XG: variants seen among roughly 807,000 people sequenced by gnomAD.
XG encodes the protein Xg glycoprotein (Xg blood group).
In XG, 24 loss-of-function variants were observed where a neutral mutation model predicts 25.7. The ratio of observed to expected loss-of-function variants is 0.93; its 90% CI spans 0.68 to 1.31. The LOEUF (loss-of-function observed/expected upper bound fraction) is 1.31, where lower values mean the gene tolerates loss of function less well. Among genes scored for constraint, XG ranks in the 40% most tolerant of loss-of-function variants. The probability of loss-of-function intolerance (pLI) is 0.00; values close to 1 mark genes in which losing one functional copy is unlikely to be tolerated. For missense variants in XG, 181 were observed against 187.6 expected, an observed-to-expected ratio of 0.96 and a Z score of 0.21; for synonymous variants, 77 against 69.2, an observed-to-expected ratio of 1.11 and a Z score of -0.56.
At chrX:2,798,888 C>CTTTTT (rs1254883670) in intron 7 of XG, among the ~76,000 whole-genome samples, 2 of 100,971 alleles carry the variant, frequency 2.0e-5, no homozygotes, top group Non-Finnish European at 2.0e-5. Context: ...CTTTTTCTTT[C>CTTTTT]TTTTTTTTTT....
At chrX:2,770,695 T>C (rs2050798914) in intron 2 of XG, 104 bp downstream of exon 2, 2 of 1,418,676 alleles carry the variant, frequency 1.4e-6, no homozygotes, top group East Asian at 4.6e-5. Flanking sequence ...GTTGGGAATT[T>C]CTTGGTCTTG....
At chrX:2,779,579 C>A (rs2051075159) in intron 3 of XG, among the ~76,000 whole-genome samples, 1 of 152,122 alleles carries the variant, frequency 6.6e-6, no homozygotes, top group African/African-American at 2.4e-5. Flanking sequence ...CCAAAATCCA[C>A]AGCTGCTGAA....
At chrX:2,752,905 G>T (rs2050364950) in intron 1 of XG, 1 of 985,154 alleles carries the variant, frequency 1.0e-6, no homozygotes, top group Admixed American at 6.2e-5. Flanking sequence ...CAGGCTGGCT[G>T]TCCCAGATCC....
At chrX:2,791,486 C>T (rs937454112) in intron 5 of XG, among the ~76,000 whole-genome samples, 4 of 110,031 alleles carry the variant, frequency 3.6e-5, no homozygotes, top group Admixed American at 9.9e-5. Flanking sequence ...CCTAGAAAAA[C>T]GAACACACTT....
intron 1 of XG, among the ~76,000 whole-genome samples, chrX:2,766,722 A>ATG (rs1569459949): frequency 4.7e-5 from 7 of 149,134 alleles, no homozygotes; most frequent in African/African-American, 9.9e-5. Context: ...CCGCCACCAC[A>ATG]CCCGGCTAAT....
chrX:2,782,272 G>A (rs771638511), intron 4 of XG, 144 bp downstream of exon 4: 6 of 674,861 alleles, frequency 8.9e-6, no homozygotes, highest in East Asian at 3.5e-5. Flanking sequence ...TTCCTCACTG[G>A]GGGGAGCAAG....
intron 2 of XG, among the ~76,000 whole-genome samples, chrX:2,773,539 G>A (rs1194549472): frequency 7.9e-6 from 1 of 127,346 alleles, no homozygotes; most frequent in Non-Finnish European, 1.7e-5. Flanking sequence ...AGGAGAGAAG[G>A]AAGGAAGGAG....
chrX:2,771,990 G>A (rs2050828676), intron 2 of XG, among the ~76,000 whole-genome samples: 1 of 152,158 alleles, frequency 6.6e-6, no homozygotes, highest in African/African-American at 2.4e-5. Flanking sequence ...GGGGTTAGAG[G>A]CAGGTGTGTG....
intron 1 of XG, among the ~76,000 whole-genome samples, chrX:2,758,272 G>A (rs1400886161): frequency 6.6e-6 from 1 of 152,082 alleles, no homozygotes; most frequent in Non-Finnish European, 1.5e-5. Context: ...TTGATGTGCA[G>A]GTCATCACCT....
rs1387834431 is a variant in XG, at chrX:2,816,439, A to G, written c.*2059A>G. ...AACCCTCCATCTACTCAATGGGAAG[A>G]TGATAAGGATGAAGACCTTTATGGT... is the stretch of plus-strand genomic sequence containing the variant. On this transcript the variant is annotated 3_prime_UTR_variant, in exon 11 of 11. Coordinates refer to ENST00000644266, the MANE Select transcript of XG (RefSeq NM_001141919.2). 8.9e-6 allele frequency: 1 copy of G among 112,065 alleles called. No homozygotes were observed. The highest frequency in any genetic ancestry group is 1.9e-5 in the Non-Finnish European group (1 of 53,236). The allele number at this position is 112,065 out of a possible 1,213,427, so 9.2% of individuals were successfully genotyped here. A position where few individuals can be genotyped will look rare whatever the true frequency, so the allele number is the denominator to read the frequency against.
At position 2,774,759 on chromosome X, in the gene XG, G is replaced by C. The variant is rs1234757290; in HGVS notation, c.127+20G>C. On this transcript the variant is annotated intron_variant, in intron 3 of 10. Coordinates refer to ENST00000644266, the MANE Select transcript of XG (RefSeq NM_001141919.2). ...ACTCAGGTGAGTGTCTCTTCAGCTGGGAAAAACTGAGGCAACGTCCTTGAA... is the reference window on the plus strand; with the variant it reads ...ACTCAGGTGAGTGTCTCTTCAGCTGCGAAAAACTGAGGCAACGTCCTTGAA... The C allele has an allele frequency of 6.2e-7, 1 of 1,613,724 alleles. No individual in the cohort carries two copies. The highest frequency in any genetic ancestry group is 1.3e-5 in the African/African-American group (1 of 74,950).
rs1201452154 is a variant in XG at position 2,770,016 on chromosome X, T to TGGGGGGGGG, written c.62-532_62-531insGGGGGGGGG. The stretch of plus-strand genomic sequence containing the variant: ...TCTCAACCTAGACTCTGTGCGTGTG[T>TGGGGGGGGG]GGAGGGGTGGGGGGGGCGTTGGGGG... On this transcript the variant is annotated intron_variant, in intron 1 of 10. Transcript: ENST00000644266. 3.3e-4 allele frequency among the ~76,000 whole-genome samples: 15 copies of TGGGGGGGGG among 45,506 alleles called. 1 individual carries two copies. Among genetic ancestry groups the TGGGGGGGGG allele is most frequent in the East Asian group, 6.6e-4 (1 of 1,516 alleles). 29.9% of individuals were successfully genotyped at this position (45,506 alleles called of 152,430 possible).
At chrX:2,797,065 G>A (rs2086892455) in intron 6 of XG, among the ~76,000 whole-genome samples, 1 of 111,441 alleles carries the variant, frequency 9.0e-6, no homozygotes, top group African/African-American at 3.3e-5. Flanking sequence ...TGTTAGTCCC[G>A]TGACGGCAAA....
chrX:2,756,565 A>G (rs1355341828), intron 1 of XG, among the ~76,000 whole-genome samples: 1 of 151,584 alleles, frequency 6.6e-6, no homozygotes, highest in Non-Finnish European at 1.5e-5. Flanking sequence ...CCCTGAAGCT[A>G]TGTACATCTG....
chrX:2,798,531 G>A (rs1352737007), intron 7 of XG, among the ~76,000 whole-genome samples: 1 of 110,069 alleles, frequency 9.1e-6, no homozygotes, highest in Non-Finnish European at 1.9e-5. Flanking sequence ...CCACTACACA[G>A]GGCTAATTTT....
At chrX:2,770,718 T>G in intron 2 of XG, 127 bp downstream of exon 2, 1 of 1,137,372 alleles carries the variant, frequency 8.8e-7, no homozygotes. Flanking sequence ...ATCTCTGTTC[T>G]TTGCAGGAGA....
chrX:2,772,879 T>G (rs2050852281), intron 2 of XG, among the ~76,000 whole-genome samples: 1 of 152,168 alleles, frequency 6.6e-6, no homozygotes, highest in Non-Finnish European at 1.5e-5. Context: ...TGCCTGTTCA[T>G]CCACAGCCCT....
chrX:2,782,163 C>G, intron 4 of XG, 35 bp downstream of exon 4: 1 of 1,200,227 alleles, frequency 8.3e-7, no homozygotes, highest in Non-Finnish European at 1.1e-6. Context: ...CTTTCTCAAT[C>G]TGGTTTGATG....
rs1191676747 is a variant in XG, at chrX:2,787,563, G to A, written c.191-2081G>A. Among the ~76,000 whole-genome samples the A allele has an allele frequency of 5.4e-5, 6 of 111,216 alleles. 1 individual carries two copies. Among genetic ancestry groups the A allele is most frequent in the Admixed American group, 3.8e-4 (4 of 10,437 alleles). On this transcript the variant is annotated intron_variant, in intron 4 of 10. Coordinates refer to ENST00000644266, the MANE Select transcript of XG (RefSeq NM_001141919.2). ...TGTCCAGTCCCCACTCCTCTGTTTG[G>A]CCCCCAAGTTTCCATAATCCCCCAC...
Sources: gnomAD v4.1 joint callset for allele counts (sites outside exome capture counted in the v4.1 genomes callset) on GRCh38, gnomAD v4.1.1 for gene constraint, MANE v1.5 for transcripts, NCBI Gene and HGNC (gene_info 2026-07-23, HGNC 2026-07-21) for gene names.